The following CCDC83 variants were observed in gnomAD, a reference collection of about 807,000 sequenced individuals.
The protein encoded by CCDC83 is coiled-coil domain-containing protein 83.
Under a neutral mutation model 50.1 loss-of-function variants are expected in CCDC83, and 54 were observed. The ratio of observed to expected loss-of-function variants is 1.08; its 90% CI spans 0.87 to 1.35. The LOEUF (loss-of-function observed/expected upper bound fraction) is 1.35. CCDC83 is among the 40% of genes most tolerant of loss of function. CCDC83 has a pLI of 0.00. For synonymous variants in CCDC83, 161 were observed against 153.3 expected (o/e 1.05, Z -0.37); for missense variants, 518 against 473.9 (o/e 1.09, Z -0.86).
intron 7 of CCDC83, among the ~76,000 whole-genome samples, chr11:85,909,894 A>T (rs2093445248): frequency 6.6e-6 from 1 of 152,140 alleles, no homozygotes; most frequent in Admixed American, 6.5e-5. Flanking sequence ...TTCAGTAAAC[A>T]TTAAGCCTGC....
chr11:85,889,280 A>T (rs1259487993), intron 5 of CCDC83, among the ~76,000 whole-genome samples: 1 of 152,228 alleles, frequency 6.6e-6, no homozygotes, highest in Non-Finnish European at 1.5e-5. Flanking sequence ...TGAGCCTAGT[A>T]GGCAGAGGTT....
intron 5 of CCDC83, among the ~76,000 whole-genome samples, chr11:85,889,788 A>C (rs746207740): frequency 6.6e-6 from 1 of 152,224 alleles, no homozygotes; most frequent in Non-Finnish European, 1.5e-5. Flanking sequence ...AGAGAGATCA[A>C]GTCAGGCTAT....
chr11:85,913,492 A>G (rs1164402057), intron 8 of CCDC83, among the ~76,000 whole-genome samples: 1 of 152,196 alleles, frequency 6.6e-6, no homozygotes, highest in African/African-American at 2.4e-5. Flanking sequence ...AATATTACAC[A>G]TATTATATCT....
chr11:85,896,530 T>G (rs2093376769), intron 6 of CCDC83, among the ~76,000 whole-genome samples: 1 of 152,022 alleles, frequency 6.6e-6, no homozygotes, highest in African/African-American at 2.4e-5. Flanking sequence ...TTCTCAGATT[T>G]TGGATGCTCA....
chr11:85,911,690 G>T lies in CCDC83; in HGVS notation c.794+288G>T, dbSNP rs114865543. Among the ~76,000 whole-genome samples, 686 of 152,264 alleles carry T rather than the reference G, an allele frequency of 4.5e-3. 8 individuals are homozygous for T. Among genetic ancestry groups the T allele is most frequent in the African/African-American group, 0.016 (656 of 41,550 alleles). On this transcript the variant is annotated intron_variant, in intron 8 of 10. Coordinates refer to ENST00000342404, the MANE Select transcript of CCDC83 (RefSeq NM_001286159.2). Reference sequence around the variant, plus strand: ...ACATTCAGGAGCCTCCAGACCAGCAGGGGTAATGGTCATGAAAATAAGTAC... The same window carrying T: ...ACATTCAGGAGCCTCCAGACCAGCATGGGTAATGGTCATGAAAATAAGTAC...
At position 85,882,449 on chromosome 11, in the gene CCDC83, T is replaced by C. The variant is rs2093305445; in HGVS notation, c.181-64T>C. 3 of 1,520,796 alleles carry C rather than the reference T, an allele frequency of 2.0e-6. No homozygotes were observed. The South Asian group carries it at 3.7e-5, about 19-fold the overall frequency. The allele number at this position is 1,520,796 out of a possible 1,614,324, so 94.2% of individuals were successfully genotyped here. A position where few individuals can be genotyped will look rare whatever the true frequency, so the allele number is the denominator to read the frequency against. On this transcript the variant is annotated intron_variant, in intron 3 of 10. Transcript: ENST00000342404. Reference sequence around the variant, plus strand: ...CCAAAGGCCGGGAACTTCTTGACTCTATTTTGAGGAAACATAGTGTACATA... The same window carrying C: ...CCAAAGGCCGGGAACTTCTTGACTCCATTTTGAGGAAACATAGTGTACATA...
chr11:85,897,876 G>A (rs1188656240), intron 6 of CCDC83, among the ~76,000 whole-genome samples: 2 of 152,116 alleles, frequency 1.3e-5, no homozygotes, highest in African/African-American at 4.8e-5. Context: ...CTTTAATAGG[G>A]CTGGGCGCGG....
chr11:85,918,565 G>T (rs547561868), intron 10 of CCDC83, among the ~76,000 whole-genome samples: 1 of 152,288 alleles, frequency 6.6e-6, no homozygotes, highest in South Asian at 2.1e-4. Context: ...AATTCTGTTT[G>T]TTGATATCTT....
rs1554982053 is a variant in CCDC83 at position 85,887,802 on chromosome 11, C to CG, written c.511+1435_511+1436insG. Among the ~76,000 whole-genome samples, 84 of 119,942 alleles carry CG rather than the reference C, an allele frequency of 7.0e-4. No individual in the cohort carries two copies. The Middle Eastern group carries it at 0.017, about 24-fold the overall frequency. 78.7% of individuals were successfully genotyped at this position (119,942 alleles called of 152,430 possible). On this transcript the variant is annotated intron_variant, in intron 5 of 10. Transcript: ENST00000342404. ...CAGTGGTTGCATGGTTTTATTGTAC[C>CG]TTTTTTTTTTTTTTTTTCGAGACAC...
chr11:85,893,055 C>G (rs901724150), intron 5 of CCDC83, among the ~76,000 whole-genome samples: 1 of 152,154 alleles, frequency 6.6e-6, no homozygotes, highest in Non-Finnish European at 1.5e-5. Flanking sequence ...GGAGAACTCT[C>G]CCTTTCTCTC....
At chr11:85,881,375 C>G (rs533404580) in intron 3 of CCDC83, among the ~76,000 whole-genome samples, 74 of 149,880 alleles carry the variant, frequency 4.9e-4, no homozygotes, top group African/African-American at 1.8e-3. Flanking sequence ...TCCATCCCCC[C>G]CCAAAAAAAA....
chr11:85,902,405 T>A (rs2093406384), intron 7 of CCDC83, among the ~76,000 whole-genome samples: 1 of 152,170 alleles, frequency 6.6e-6, no homozygotes, highest in African/African-American at 2.4e-5. Flanking sequence ...GAAAGTAAAC[T>A]GATGAAGAGA....
At chr11:85,911,238 G>T in intron 7 of CCDC83, 43 bp from the exon 8 acceptor site, 4 of 1,405,648 alleles carry the variant, frequency 2.8e-6, no homozygotes, top group Non-Finnish European at 2.9e-6. Context: ...TAATAGAACT[G>T]AATCAATAAG....
intron 5 of CCDC83, among the ~76,000 whole-genome samples, chr11:85,887,316 A>G (rs1327557763): frequency 6.6e-6 from 1 of 152,212 alleles, no homozygotes; most frequent in Non-Finnish European, 1.5e-5. Flanking sequence ...AATGGGGGAA[A>G]TCTGGCCCAA....
At chr11:85,915,838 T>C (rs990633146) in intron 9 of CCDC83, among the ~76,000 whole-genome samples, 190 bp from the exon 10 acceptor site, 2 of 152,164 alleles carry the variant, frequency 1.3e-5, no homozygotes, top group Non-Finnish European at 2.9e-5. Context: ...TACTATAACT[T>C]ATTAGCTAAC....
At chr11:85,890,440 A>G (rs2093346308) in intron 5 of CCDC83, among the ~76,000 whole-genome samples, 1 of 152,138 alleles carries the variant, frequency 6.6e-6, no homozygotes, top group African/African-American at 2.4e-5. Context: ...GGGATTTTGT[A>G]TGTGTGGGAG....
chr11:85,910,638 T>C (rs1204816880), intron 7 of CCDC83, among the ~76,000 whole-genome samples: 4 of 152,244 alleles, frequency 2.6e-5, no homozygotes, highest in Non-Finnish European at 5.9e-5. Context: ...TTCTTAGTTA[T>C]GTCTGCCTCT....
rs950005710 is a variant in CCDC83 at position 85,906,132 on chromosome 11, C to T, written c.673-5149C>T. Among the ~76,000 whole-genome samples, 6 of 151,788 alleles carry T rather than the reference C, an allele frequency of 4.0e-5. No homozygotes were observed. The East Asian group carries it at 1.2e-3, about 30-fold the overall frequency. ...CCAGGCTTGAGTGAAATGGCACAAC[C>T]TTGGCTCACTGAAACCTCCACCTCC... On this transcript the variant is annotated intron_variant, in intron 7 of 10. Coordinates refer to ENST00000342404, the MANE Select transcript of CCDC83 (RefSeq NM_001286159.2).
chr11:85,884,920 G>A (rs2093319176), intron 4 of CCDC83, among the ~76,000 whole-genome samples: 1 of 152,128 alleles, frequency 6.6e-6, no homozygotes, highest in African/African-American at 2.4e-5. Flanking sequence ...TTTAAATATA[G>A]TATCTTGTGG....
Sources: gnomAD v4.1 joint callset for allele counts (sites outside exome capture counted in the v4.1 genomes callset) on GRCh38, gnomAD v4.1.1 for gene constraint, MANE v1.5 for transcripts, NCBI Gene and HGNC (gene_info 2026-07-23, HGNC 2026-07-21) for gene names.